FLYWCH1: variants seen among roughly 807,000 people sequenced by gnomAD.
FLYWCH1 encodes the protein FLYWCH-type zinc finger 1.
FLYWCH1 carries 75 observed loss-of-function variants against 66.4 expected under a neutral mutation model. That is an observed-to-expected ratio of 1.13 (90% CI 0.94 to 1.37). The LOEUF is 1.37. Among genes scored for constraint, FLYWCH1 ranks in the 40% most tolerant of loss-of-function variants. FLYWCH1 has a pLI of 0.00. For missense variants in FLYWCH1, 1,334 were observed against 1,001.8 expected, an observed-to-expected ratio of 1.33 and a Z score of -4.48; for synonymous variants, 595 against 429.9, an observed-to-expected ratio of 1.38 and a Z score of -4.75.
At chr16:2,942,720 C>CTTTTTTT (rs34247000) in intron 9 of FLYWCH1, among the ~76,000 whole-genome samples, 51 of 82,790 alleles carry the variant, frequency 6.2e-4, no homozygotes, top group African/African-American at 1.9e-3. Context: ...CATCTGGGAA[C>CTTTTTTT]TTTTTTTTTT....
intron 2 of FLYWCH1, among the ~76,000 whole-genome samples, chr16:2,917,211 C>T (rs192762472): frequency 1.4e-5 from 2 of 143,934 alleles, no homozygotes; most frequent in East Asian, 2.0e-4. Context: ...CCCAATAATA[C>T]AAAGTAAGCT....
rs766120141 is a variant in FLYWCH1, at chr16:2,933,687, T to A, written c.1250-29T>A. ...TCAGGCCTACCCAGCCCCTGTCCCC[T>A]CCCCTGACTGCCTCTTGAACCTCCC... On this transcript the variant is annotated intron_variant, in intron 5 of 9. Coordinates refer to ENST00000253928, the MANE Select transcript of FLYWCH1 (RefSeq NM_001308068.2). 5.6e-6 allele frequency: 9 copies of A among 1,599,666 alleles called. No homozygotes were observed. In the East Asian group the frequency reaches 2.0e-4, roughly 36 times the overall value.
In FLYWCH1 at chr16:2,937,334, C is replaced by T; in HGVS notation, c.1727C>T (p.Ala576Val). The T allele has an allele frequency of 6.3e-7, 1 of 1,598,426 alleles. No homozygotes were observed. The highest frequency in any genetic ancestry group is 8.5e-7 in the Non-Finnish European group (1 of 1,172,272). ...CHPPDLGGLE[A>V]LRQREHFPNL... ...CCACCGGACCTGGGCGGCCTGGAGG[C>T]CCTGCGGCAGCGGGAGCACTTCCCC... The change falls in exon 7 of 10, where the codon GCC becomes GTC. Residue 576 changes from alanine (A) to valine (V), a missense_variant. By Grantham distance (64) the Ala-to-Val change is moderately conservative (BLOSUM62 0). Transcript: ENST00000253928.
At chr16:2,925,209 G>C (rs566850038) in intron 2 of FLYWCH1, among the ~76,000 whole-genome samples, 2 of 152,188 alleles carry the variant, frequency 1.3e-5, no homozygotes, top group Non-Finnish European at 2.9e-5. Flanking sequence ...CGGGAATCAC[G>C]GCAGTTCTCA....
At position 2,930,914 on chromosome 16, in the gene FLYWCH1, C is replaced by T. The variant is rs755616317; in HGVS notation, c.796+34C>T. 4.4e-5 allele frequency: 66 copies of T among 1,517,008 alleles called. No homozygotes were observed. The Admixed American group carries it at 8.5e-4, about 20-fold the overall frequency. The allele number at this position is 1,517,008 out of a possible 1,614,324, so 94.0% of individuals were successfully genotyped here. Reference sequence around the variant, plus strand: ...AATCCACTCCCCTGCTGCGTCCACTCGGGGCAGGGGACCCGAGGGCCCTTC... The same window carrying T: ...AATCCACTCCCCTGCTGCGTCCACTTGGGGCAGGGGACCCGAGGGCCCTTC... On this transcript the variant is annotated intron_variant, in intron 4 of 9. Transcript: ENST00000253928.
At chr16:2,941,766 T>C (rs1461729613) in intron 9 of FLYWCH1, among the ~76,000 whole-genome samples, 1 of 151,644 alleles carries the variant, frequency 6.6e-6, no homozygotes, top group Non-Finnish European at 1.5e-5. Flanking sequence ...CTCACACCTG[T>C]AATCCCAGCA....
chr16:2,936,407 C>T (rs761314859), intron 6 of FLYWCH1: 1 of 456,374 alleles, frequency 2.2e-6, no homozygotes, highest in South Asian at 1.6e-5. Flanking sequence ...CTGCCCAGCC[C>T]TCTCCATCCC....
rs562925659 is a variant in FLYWCH1, at chr16:2,930,768, C to G, written c.684C>G (p.Pro228=). 2 of 1,580,288 alleles carry G rather than the reference C, an allele frequency of 1.3e-6. No homozygotes were observed. The highest frequency in any genetic ancestry group is 2.3e-5 in the South Asian group (2 of 86,590). ...GCCCGTGGCAGTGCCCTGAGGAGCCCGAGCCCACTCCTGGGCTGGTGCTGA... is the reference window on the plus strand; with the variant it reads ...GCCCGTGGCAGTGCCCTGAGGAGCCGGAGCCCACTCCTGGGCTGGTGCTGA... The part of the protein sequence containing the change: ...GVGPWQCPEE[P]EPTPGLVLSK... Residue 228 remains proline (P), a synonymous_variant, in exon 4 of 10, where the codon CCC becomes CCG. Transcript: ENST00000253928.
chr16:2,948,506 T>G (rs900716117), intron 9 of FLYWCH1, among the ~76,000 whole-genome samples, 182 bp from the exon 10 acceptor site: 3 of 152,028 alleles, frequency 2.0e-5, no homozygotes, highest in African/African-American at 7.2e-5. Flanking sequence ...GGGGGTGCAG[T>G]GAGCCGAGAT....
At chr16:2,940,214 G>C in intron 9 of FLYWCH1, 122 bp downstream of exon 9, 1 of 628,864 alleles carries the variant, frequency 1.6e-6, no homozygotes, top group Non-Finnish European at 2.9e-6. Flanking sequence ...GTTGGGCTGG[G>C]TGGTTCTGAC....
chr16:2,928,201 A>C (rs2070639609), intron 2 of FLYWCH1, among the ~76,000 whole-genome samples: 1 of 152,166 alleles, frequency 6.6e-6, no homozygotes, highest in Non-Finnish European at 1.5e-5. Flanking sequence ...TCGGCTTTAC[A>C]CTGAGACATG....
At chr16:2,938,896 G>A (rs1277182995) in intron 8 of FLYWCH1, among the ~76,000 whole-genome samples, 4 of 150,590 alleles carry the variant, frequency 2.7e-5, no homozygotes, top group Non-Finnish European at 5.9e-5. Flanking sequence ...ACAGGCGTGA[G>A]TCACTGTGCC....
rs761304196 is a variant in FLYWCH1 at position 2,937,210 on chromosome 16, A to G, written c.1603A>G (p.Lys535Glu). Residue 535 changes from lysine (K) to glutamate (E), a missense_variant, in exon 7 of 10, where the codon AAG becomes GAG. By Grantham distance (56) the Lys-to-Glu change is moderately conservative (BLOSUM62 1). Transcript: ENST00000253928. ...LYRREKAAGE[K>E]VYWTCRDQAR... ...CCGGCGGGAGAAGGCGGCCGGGGAG[A>G]AGGTGTATTGGACCTGCCGGGACCA... The G allele has an allele frequency of 7.2e-6, 11 of 1,523,590 alleles. No homozygotes were observed. Among genetic ancestry groups the G allele is most frequent in the South Asian group, 2.4e-5 (2 of 84,912 alleles). The allele number at this position is 1,523,590 out of a possible 1,614,324, so 94.4% of individuals were successfully genotyped here. A position where few individuals can be genotyped will look rare whatever the true frequency, so the allele number is the denominator to read the frequency against.
chr16:2,944,798 G>A lies in FLYWCH1; in HGVS notation c.2112-3890G>A, dbSNP rs531316434. On this transcript the variant is annotated intron_variant, in intron 9 of 9. Transcript: ENST00000253928. ...GATGGTGCCACTGCCCTCCAGCCTG[G>A]GCAACAGAGTGAGACTCTGTATCAA... Among the ~76,000 whole-genome samples the A allele has an allele frequency of 3.4e-4, 51 of 151,374 alleles. No homozygotes were observed. In the South Asian group the frequency reaches 0.01, roughly 30 times the overall value.
At chr16:2,945,142 G>A (rs1027134673) in intron 9 of FLYWCH1, among the ~76,000 whole-genome samples, 15 of 151,204 alleles carry the variant, frequency 9.9e-5, no homozygotes, top group Admixed American at 2.0e-4. Context: ...TTGAGGTCAG[G>A]AGTTCAAAAC....
chr16:2,932,862 C>G (rs937408626), intron 4 of FLYWCH1, among the ~76,000 whole-genome samples: 6 of 151,570 alleles, frequency 4.0e-5, no homozygotes, highest in African/African-American at 1.5e-4. Context: ...AGGAATGAGA[C>G]TCTCCTCTGG....
At chr16:2,915,600 C>T (rs1359867506) in intron 2 of FLYWCH1, 1 of 152,080 alleles carries the variant, frequency 6.6e-6, no homozygotes, top group African/African-American at 2.4e-5. Context: ...CATTAGGTTC[C>T]AGTCAGCAAT....
rs771995061 is a variant in FLYWCH1 at position 2,938,279 on chromosome 16, G to T, written c.1873G>T (p.Glu625Ter). ...FLYRKEKAAG[E>*]KVYWMCRDQA... ...CTACAGGAAGGAGAAGGCGGCTGGG[G>T]AGAAGGTGTACTGGATGTGCCGGGA... The change falls in exon 8 of 10, where the codon GAG becomes TAG. Residue 625 changes from glutamate (E) to a stop codon, truncating the protein, a stop_gained. Coordinates refer to ENST00000253928, the MANE Select transcript of FLYWCH1 (RefSeq NM_001308068.2). LOFTEE classifies it high-confidence loss of function. The T allele has an allele frequency of 6.2e-7, 1 of 1,612,906 alleles. No homozygotes were observed.
chr16:2,934,465 T>G, intron 6 of FLYWCH1: 1 of 355,550 alleles, frequency 2.8e-6, no homozygotes, highest in Non-Finnish European at 5.6e-6. Context: ...GTCCCGGCTG[T>G]CTCCATCTTT....
Sources: gnomAD v4.1 joint callset for allele counts (sites outside exome capture counted in the v4.1 genomes callset) on GRCh38, gnomAD v4.1.1 for gene constraint, MANE v1.5 for transcripts, NCBI Gene and HGNC (gene_info 2026-07-23, HGNC 2026-07-21) for gene names.